Variants in VPS13B observed in about 807,000 individuals in gnomAD.
VPS13B encodes intermembrane lipid transfer protein VPS13B.
In VPS13B, 285 loss-of-function variants were observed where a neutral mutation model predicts 426.4. That is an observed-to-expected ratio of 0.67 (90% CI 0.61 to 0.74). The LOEUF (loss-of-function observed/expected upper bound fraction) is 0.74, where lower values mean the gene tolerates loss of function less well. VPS13B is among the 30% of genes least tolerant of loss of function. The pLI is 0.00. For synonymous variants in VPS13B, 1,676 were observed against 1,676.4 expected (o/e 1.00, Z 0.01); for missense variants, 4,537 against 4,782.6 (o/e 0.95, Z 1.51).
chr8:99,686,469 A>G (rs1268650005), intron 35 of VPS13B, among the ~76,000 whole-genome samples: 1 of 151,976 alleles, frequency 6.6e-6, no homozygotes, highest in African/African-American at 2.4e-5. Flanking sequence ...AGGTACATCC[A>G]GAGATGCTGT....
intron 44 of VPS13B, among the ~76,000 whole-genome samples, chr8:99,810,262 G>A (rs761416588): frequency 1.3e-5 from 2 of 152,186 alleles, no homozygotes; most frequent in Admixed American, 6.5e-5. Flanking sequence ...ATTAAAATCT[G>A]AAAACTGGCT....
At chr8:99,310,000 T>C (rs535563079) in intron 19 of VPS13B, among the ~76,000 whole-genome samples, 2 of 152,326 alleles carry the variant, frequency 1.3e-5, no homozygotes, top group Admixed American at 1.3e-4. Context: ...TATTGGTGTA[T>C]AAGAATGCTT....
intron 2 of VPS13B, among the ~76,000 whole-genome samples, chr8:99,018,588 T>TATTTC (rs1305538697): frequency 6.6e-6 from 1 of 152,232 alleles, no homozygotes; most frequent in South Asian, 2.1e-4. Context: ...TTGTATCTTT[T>TATTTC]ATTTCATTTC....
Position 99,469,443 on chromosome 8 carries a change from C to T in VPS13B, c.3666+1809C>T, listed in dbSNP as rs374402599. Among the ~76,000 whole-genome samples, 209 of 151,924 alleles carry T rather than the reference C, an allele frequency of 1.4e-3. 1 individual carries two copies. The South Asian group carries it at 0.021, about 16-fold the overall frequency. Reference sequence around the variant, plus strand: ...CTTCTGCTTCAGCCTCTCAAAGTGCCGGGATTACATGGTGTGAGCACCATG... The same window carrying T: ...CTTCTGCTTCAGCCTCTCAAAGTGCTGGGATTACATGGTGTGAGCACCATG... On this transcript the variant is annotated intron_variant, in intron 24 of 61. Coordinates refer to ENST00000357162, the MANE Select transcript of VPS13B (RefSeq NM_152564.5).
intron 34 of VPS13B, among the ~76,000 whole-genome samples, chr8:99,645,143 A>T (rs2133936943): frequency 6.6e-6 from 1 of 152,342 alleles, no homozygotes; most frequent in African/African-American, 2.4e-5. Context: ...CCCACTTCAG[A>T]CCATGCAAAA....
chr8:99,523,561 A>G (rs1822491310), intron 30 of VPS13B, among the ~76,000 whole-genome samples: 1 of 152,228 alleles, frequency 6.6e-6, no homozygotes, highest in Admixed American at 6.5e-5. Flanking sequence ...AAGTAAGGGA[A>G]GAGAGCAAGA....
chr8:99,311,622 G>GGTGTGCTGAGAAGT (rs1820980383), intron 19 of VPS13B, among the ~76,000 whole-genome samples: 1 of 152,164 alleles, frequency 6.6e-6, no homozygotes, highest in Admixed American at 6.5e-5. Flanking sequence ...AGTGTGCTGT[G>GGTGTGCTGAGAAGT]GTGCTGAGAA....
chr8:99,633,411 A>G (rs1240084218), intron 33 of VPS13B, among the ~76,000 whole-genome samples: 1 of 152,018 alleles, frequency 6.6e-6, no homozygotes, highest in Admixed American at 6.6e-5. Flanking sequence ...GTCAGGGCTG[A>G]TTCAATCTTA....
intron 17 of VPS13B, among the ~76,000 whole-genome samples, chr8:99,232,154 G>A (rs1336717203): frequency 1.3e-5 from 2 of 152,010 alleles, no homozygotes; most frequent in Non-Finnish European, 2.9e-5. Context: ...TGAGATGGAG[G>A]GATGAGGGAA....
intron 55 of VPS13B, among the ~76,000 whole-genome samples, chr8:99,852,587 C>CA (rs1415696897): frequency 6.6e-6 from 1 of 152,072 alleles, no homozygotes; most frequent in Non-Finnish European, 1.5e-5. Context: ...GTCGAATAAG[C>CA]AAAAAACTGA....
intron 43 of VPS13B, among the ~76,000 whole-genome samples, chr8:99,788,901 C>T (rs1157578742): frequency 2.0e-5 from 3 of 152,184 alleles, no homozygotes; most frequent in African/African-American, 7.2e-5. Flanking sequence ...ATTGTTTTCA[C>T]TCTGACCTCA....
chr8:99,141,392 G>A (rs1463489318), intron 12 of VPS13B, among the ~76,000 whole-genome samples: 1 of 152,114 alleles, frequency 6.6e-6, no homozygotes, highest in Non-Finnish European at 1.5e-5. Flanking sequence ...ATCATTTAGG[G>A]AGTCTATTAT....
intron 19 of VPS13B, among the ~76,000 whole-genome samples, chr8:99,322,104 C>T (rs1192523917): frequency 2.6e-5 from 4 of 152,154 alleles, no homozygotes; most frequent in African/African-American, 7.2e-5. Flanking sequence ...ATCCTTCAGA[C>T]GAGCAACCTT....
chr8:99,796,272 A>T (rs1311980512), intron 43 of VPS13B, among the ~76,000 whole-genome samples: 2 of 152,176 alleles, frequency 1.3e-5, no homozygotes, highest in Non-Finnish European at 2.9e-5. Flanking sequence ...CTTTCAGTAG[A>T]GAGAGGGATA....
chr8:99,507,454 ATATACTT>A (rs1056005790), intron 28 of VPS13B, among the ~76,000 whole-genome samples: 1 of 152,180 alleles, frequency 6.6e-6, no homozygotes, highest in African/African-American at 2.4e-5. Context: ...GCTTTTGTTA[ATATACTT>A]TATCTTTAAT....
intron 17 of VPS13B, chr8:99,233,060 G>A (rs779101479): frequency 5.0e-5 from 64 of 1,279,964 alleles, no homozygotes; most frequent in Non-Finnish European, 6.9e-5. Context: ...CACTTGCTGC[G>A]CTGTGAGGCG....
At chr8:99,196,872 G>T (rs1428296327) in intron 17 of VPS13B, among the ~76,000 whole-genome samples, 1 of 152,146 alleles carries the variant, frequency 6.6e-6, no homozygotes, top group Admixed American at 6.5e-5. Context: ...GTGTGGAAAA[G>T]AAGTAGTGAG....
chr8:99,777,299 G>A (rs1811790251), intron 41 of VPS13B, among the ~76,000 whole-genome samples: 1 of 152,118 alleles, frequency 6.6e-6, no homozygotes, highest in African/African-American at 2.4e-5. Flanking sequence ...ACCCAAGACT[G>A]GGAAGAAAAA....
intron 25 of VPS13B, among the ~76,000 whole-genome samples, chr8:99,485,835 T>A (rs1820271791): frequency 6.6e-6 from 1 of 152,138 alleles, no homozygotes; most frequent in Non-Finnish European, 1.5e-5. Context: ...AAAAAAGTAT[T>A]TATATAGTCT....
Sources: gnomAD v4.1 joint callset for allele counts (sites outside exome capture counted in the v4.1 genomes callset) on GRCh38, gnomAD v4.1.1 for gene constraint, MANE v1.5 for transcripts, NCBI Gene and HGNC (gene_info 2026-07-23, HGNC 2026-07-21) for gene names.